The following LRRC4C variants were observed in gnomAD, a reference collection of about 807,000 sequenced individuals.
The protein encoded by LRRC4C is leucine rich repeat containing 4C, also known as leucine-rich repeat-containing protein 4C.
In LRRC4C, 5 loss-of-function variants were observed where a neutral mutation model predicts 33.6. The ratio of observed to expected loss-of-function variants is 0.15; its 90% confidence interval spans 0.08 to 0.31. The LOEUF (loss-of-function observed/expected upper bound fraction) is 0.31, where lower values mean the gene tolerates loss of function less well. LRRC4C is among the 10% of genes least tolerant of loss of function. The pLI is 1.00. For missense variants in LRRC4C, 560 were observed against 796.7 expected (o/e 0.70, Z 3.58); for synonymous variants, 329 against 302.0 (o/e 1.09, Z -0.93).
intron 2 of LRRC4C, among the ~76,000 whole-genome samples, chr11:40,932,721 T>A (rs138272149): frequency 6.6e-6 from 1 of 152,270 alleles, no homozygotes; most frequent in East Asian, 1.9e-4. Context: ...TAGCCTCATC[T>A]TTTTTTAAAA....
At chr11:40,215,529 T>C (rs972787996) in intron 5 of LRRC4C, among the ~76,000 whole-genome samples, 5 of 152,312 alleles carry the variant, frequency 3.3e-5, no homozygotes, top group Middle Eastern at 3.4e-3. Context: ...AAAACTAAAT[T>C]CTATCCTTAG....
chr11:40,923,737 T>C (rs1957290094), intron 2 of LRRC4C, among the ~76,000 whole-genome samples: 3 of 151,984 alleles, frequency 2.0e-5, no homozygotes, highest in Admixed American at 6.6e-5. Context: ...AATAGAAAAA[T>C]CTGAGAAAAA....
intron 1 of LRRC4C, among the ~76,000 whole-genome samples, chr11:41,090,407 C>T (rs932259055): frequency 5.9e-5 from 9 of 151,952 alleles, no homozygotes; most frequent in Non-Finnish European, 8.8e-5. Flanking sequence ...CTATATTGAG[C>T]ATGCACTGCA....
intron 3 of LRRC4C, among the ~76,000 whole-genome samples, chr11:40,378,496 G>T (rs1257078028): frequency 6.6e-6 from 1 of 151,866 alleles, no homozygotes; most frequent in East Asian, 1.9e-4. Flanking sequence ...TAGTGTTTGG[G>T]GTGTAGATGG....
At chr11:40,606,334 C>T (rs940375269) in intron 3 of LRRC4C, among the ~76,000 whole-genome samples, 8 of 152,128 alleles carry the variant, frequency 5.3e-5, no homozygotes, top group Non-Finnish European at 8.8e-5. Flanking sequence ...ATCTCTCAAA[C>T]TGGAAATGTG....
chr11:40,893,949 A>G (rs1955828992), intron 2 of LRRC4C, among the ~76,000 whole-genome samples: 2 of 152,096 alleles, frequency 1.3e-5, no homozygotes, highest in Non-Finnish European at 2.9e-5. Flanking sequence ...CAAAACATAC[A>G]CAGTACATTT....
chr11:41,096,589 A>T (rs139427584), intron 1 of LRRC4C, among the ~76,000 whole-genome samples: 159 of 152,312 alleles, frequency 1.0e-3, no homozygotes, highest in South Asian at 3.7e-3. Flanking sequence ...TATAGTAAAC[A>T]TATTTTTAAG....
chr11:41,102,064 C>G (rs1276831531), intron 1 of LRRC4C, among the ~76,000 whole-genome samples: 3 of 151,904 alleles, frequency 2.0e-5, no homozygotes, highest in Non-Finnish European at 4.4e-5. Context: ...ATGAAATAAT[C>G]TGTACAACAA....
At position 40,288,774 on chromosome 11, in the gene LRRC4C, G is replaced by T. The variant is rs1038569046; in HGVS notation, c.-176+30854C>A. Among the ~76,000 whole-genome samples the T allele has an allele frequency of 2.0e-5, 3 of 152,162 alleles. No individual in the cohort carries two copies. In the East Asian group the frequency reaches 5.8e-4, roughly 29 times the overall value. ...GACTAGAATTGTGAATCCAAATTGT[G>T]GTTTTGGAGGGCTTAATATTAGTAA... On this transcript the variant is annotated intron_variant, in intron 4 of 6. Coordinates refer to ENST00000528697, the MANE Select transcript of LRRC4C (RefSeq NM_001258419.2).
intron 5 of LRRC4C, among the ~76,000 whole-genome samples, chr11:40,189,469 G>T (rs1026448350): frequency 6.6e-6 from 1 of 152,060 alleles, no homozygotes; most frequent in Non-Finnish European, 1.5e-5. Flanking sequence ...TATTCCGTGG[G>T]CCTCAGTTTC....
chr11:40,862,691 T>C (rs1417218400), intron 2 of LRRC4C, among the ~76,000 whole-genome samples: 1 of 152,192 alleles, frequency 6.6e-6, no homozygotes, highest in African/African-American at 2.4e-5. Flanking sequence ...AAGGACATCA[T>C]GGAAGATGGA....
chr11:41,454,106 T>C (rs1419882602), intron 1 of LRRC4C, among the ~76,000 whole-genome samples: 1 of 152,108 alleles, frequency 6.6e-6, no homozygotes, highest in Non-Finnish European at 1.5e-5. Flanking sequence ...GTTCTCTCCA[T>C]GCACAGGGAA....
At chr11:40,870,580 G>C (rs987926196) in intron 2 of LRRC4C, among the ~76,000 whole-genome samples, 11 of 152,226 alleles carry the variant, frequency 7.2e-5, no homozygotes, top group Admixed American at 5.2e-4. Flanking sequence ...TCTTACACCT[G>C]TCTTTACTGC....
chr11:40,795,479 G>A (rs1296417278), intron 2 of LRRC4C, among the ~76,000 whole-genome samples: 5 of 152,072 alleles, frequency 3.3e-5, no homozygotes, highest in Admixed American at 6.6e-5. Flanking sequence ...GCAATGAGCC[G>A]AGATCATGCC....
At chr11:41,184,736 C>T (rs1355661144) in intron 1 of LRRC4C, among the ~76,000 whole-genome samples, 1 of 151,826 alleles carries the variant, frequency 6.6e-6, no homozygotes, top group Non-Finnish European at 1.5e-5. Flanking sequence ...CAGCAACGTC[C>T]CACTTTACTG....
chr11:41,149,277 G>A (rs1943874958), intron 1 of LRRC4C, among the ~76,000 whole-genome samples: 6 of 152,048 alleles, frequency 3.9e-5, no homozygotes, highest in Admixed American at 3.3e-4. Flanking sequence ...AGGCCGAGGC[G>A]GGCGGATCAC....
chr11:41,113,850 C>G (rs1351942903), intron 1 of LRRC4C, among the ~76,000 whole-genome samples: 1 of 151,912 alleles, frequency 6.6e-6, no homozygotes, highest in Non-Finnish European at 1.5e-5. Flanking sequence ...CATAAAGTGG[C>G]AGAAAACAAT....
chr11:40,934,019 A>G (rs1318425328), intron 1 of LRRC4C, among the ~76,000 whole-genome samples: 4 of 152,176 alleles, frequency 2.6e-5, no homozygotes, highest in African/African-American at 4.8e-5. Flanking sequence ...AAGATTTTTA[A>G]CAAAGGAAAA....
chr11:40,875,757 G>C (rs1043676462), intron 2 of LRRC4C, among the ~76,000 whole-genome samples: 3 of 152,052 alleles, frequency 2.0e-5, no homozygotes, highest in Admixed American at 1.3e-4. Flanking sequence ...CCATGAACTC[G>C]GGCAGGTGGG....
Sources: gnomAD v4.1 joint callset for allele counts (sites outside exome capture counted in the v4.1 genomes callset) on GRCh38, gnomAD v4.1.1 for gene constraint, MANE v1.5 for transcripts, NCBI Gene and HGNC (gene_info 2026-07-23, HGNC 2026-07-21) for gene names.